The following CNTNAP2 variants were observed in gnomAD, a reference collection of about 807,000 sequenced individuals.
CNTNAP2 encodes the protein contactin associated protein 2.
In CNTNAP2, 98 loss-of-function variants were observed where a neutral mutation model predicts 155.2. The observed-to-expected ratio is 0.63, with a 90% CI of 0.54 to 0.75. CNTNAP2 has a LOEUF of 0.75. Ranked by LOEUF, CNTNAP2 falls within the 30% of genes least tolerant of loss-of-function variation. The probability of loss-of-function intolerance (pLI) is 0.00; values close to 1 mark genes in which losing one functional copy is unlikely to be tolerated. For synonymous variants in CNTNAP2, 651 were observed against 631.2 expected, an observed-to-expected ratio of 1.03 and a Z score of -0.47; for missense variants, 1,727 against 1,688.1, an observed-to-expected ratio of 1.02 and a Z score of -0.40.
At chr7:147,333,848 G>A (rs557508722) in intron 9 of CNTNAP2, among the ~76,000 whole-genome samples, 5 of 152,264 alleles carry the variant, frequency 3.3e-5, no homozygotes, top group Admixed American at 3.3e-4. Context: ...ATGGACTAGA[G>A]TATAGGCATA....
At chr7:147,270,598 C>G (rs1402214194) in intron 8 of CNTNAP2, among the ~76,000 whole-genome samples, 2 of 152,168 alleles carry the variant, frequency 1.3e-5, no homozygotes, top group East Asian at 3.9e-4. Flanking sequence ...CACCAGGCCA[C>G]ACAATAGACC....
intron 7 of CNTNAP2, among the ~76,000 whole-genome samples, chr7:147,131,052 ATGTGTATATATATG>A (rs1232136655): frequency 2.0e-5 from 3 of 148,480 alleles, no homozygotes; most frequent in Non-Finnish European, 4.4e-5. Context: ...ACATATATAT[ATGTGTATATATATG>A]TGTGTATATA....
intron 14 of CNTNAP2, among the ~76,000 whole-genome samples, chr7:147,935,427 G>A (rs1286528346): frequency 6.6e-6 from 1 of 152,144 alleles, no homozygotes; most frequent in African/African-American, 2.4e-5. Context: ...GCCCAGCCGA[G>A]TAAATCTTTC....
intron 13 of CNTNAP2, among the ~76,000 whole-genome samples, chr7:147,762,547 C>CT (rs556864324): frequency 2.3e-4 from 34 of 147,584 alleles, no homozygotes; most frequent in South Asian, 1.1e-3. Context: ...TTTCCAGATG[C>CT]TTTTTTTTTT....
intron 3 of CNTNAP2, among the ~76,000 whole-genome samples, chr7:146,843,077 A>G (rs1280298842): frequency 1.0e-5 from 1 of 100,234 alleles, no homozygotes; most frequent in African/African-American, 4.6e-5. Flanking sequence ...CAGTGGCGCA[A>G]TCTCGGCTCA....
At chr7:147,972,387 T>C (rs1369113829) in intron 14 of CNTNAP2, among the ~76,000 whole-genome samples, 1 of 152,248 alleles carries the variant, frequency 6.6e-6, no homozygotes, top group African/African-American at 2.4e-5. Flanking sequence ...AGCAGGCTTA[T>C]TGTAAAAACT....
chr7:148,239,128 T>TTG (rs1796099060), intron 20 of CNTNAP2, among the ~76,000 whole-genome samples: 2 of 152,210 alleles, frequency 1.3e-5, no homozygotes, highest in Non-Finnish European at 2.9e-5. Flanking sequence ...ACAGCCTGGG[T>TTG]TGTGCAATAC....
intron 3 of CNTNAP2, among the ~76,000 whole-genome samples, chr7:146,900,429 C>A (rs889986430): frequency 6.6e-6 from 1 of 152,232 alleles, no homozygotes; most frequent in African/African-American, 2.4e-5. Flanking sequence ...AGAGGGAAAG[C>A]AGTTTACTTA....
chr7:146,571,465 T>A (rs946440315), intron 1 of CNTNAP2, among the ~76,000 whole-genome samples: 1 of 152,148 alleles, frequency 6.6e-6, no homozygotes, highest in Admixed American at 6.5e-5. Context: ...TTGCTTTCAT[T>A]TCAGGTACTA....
At chr7:146,364,227 A>G (rs1484123343) in intron 1 of CNTNAP2, among the ~76,000 whole-genome samples, 1 of 152,198 alleles carries the variant, frequency 6.6e-6, no homozygotes. Flanking sequence ...CCCCAACTGC[A>G]AATCCACTAA....
At chr7:146,903,513 T>G (rs1796049149) in intron 3 of CNTNAP2, among the ~76,000 whole-genome samples, 1 of 152,220 alleles carries the variant, frequency 6.6e-6, no homozygotes, top group African/African-American at 2.4e-5. Flanking sequence ...CTTTCCATCT[T>G]AGAAATGACA....
At chr7:147,229,793 T>C (rs1028012162) in intron 8 of CNTNAP2, among the ~76,000 whole-genome samples, 3 of 152,252 alleles carry the variant, frequency 2.0e-5, no homozygotes, top group Non-Finnish European at 4.4e-5. Context: ...ATACATATTA[T>C]AACTGAAATT....
At chr7:146,609,420 A>G (rs1251538525) in intron 1 of CNTNAP2, among the ~76,000 whole-genome samples, 3 of 152,186 alleles carry the variant, frequency 2.0e-5, no homozygotes, top group African/African-American at 7.2e-5. Flanking sequence ...AGGATTTCTC[A>G]TGTGTCACCC....
chr7:146,608,521 G>T (rs117149485), intron 1 of CNTNAP2, among the ~76,000 whole-genome samples: 1,708 of 152,198 alleles, frequency 0.011, 19 homozygotes, highest in Middle Eastern at 0.024. Flanking sequence ...AAATTCCTTT[G>T]TATAAAGTAC....
chr7:147,544,164 T>G (rs1799688071), intron 11 of CNTNAP2, among the ~76,000 whole-genome samples: 1 of 152,210 alleles, frequency 6.6e-6, no homozygotes, highest in African/African-American at 2.4e-5. Context: ...GAAACTTTTG[T>G]GTGTAAATGT....
intron 8 of CNTNAP2, among the ~76,000 whole-genome samples, chr7:147,287,451 T>G (rs1267324908): frequency 6.6e-6 from 1 of 152,016 alleles, no homozygotes; most frequent in African/African-American, 2.4e-5. Context: ...TTGGAGAAAC[T>G]TCAGGAGCTT....
intron 1 of CNTNAP2, among the ~76,000 whole-genome samples, chr7:146,390,770 A>G (rs951242589): frequency 6.7e-6 from 1 of 148,486 alleles, no homozygotes; most frequent in Non-Finnish European, 1.5e-5. Context: ...TATTATACAT[A>G]TTATAATACG....
intron 21 of CNTNAP2, among the ~76,000 whole-genome samples, chr7:148,276,051 C>G (rs1257003354): frequency 9.9e-5 from 15 of 152,110 alleles, no homozygotes; most frequent in Admixed American, 9.8e-4. Context: ...AAGCAGGGTT[C>G]AGATCAAAGG....
Position 147,438,723 on chromosome 7 carries a change from C to T in CNTNAP2, c.1670+42943C>T, listed in dbSNP as rs560144426. Among the ~76,000 whole-genome samples the T allele has an allele frequency of 4.7e-4, 71 of 151,874 alleles. No homozygotes were observed. The South Asian group carries it at 0.014, about 30-fold the overall frequency. ...AGCAGTGAAGCCATCAAGTCCCGGGCTTTTTTTACTGGGAGACTTTTTATT... is the reference window on the plus strand; with the variant it reads ...AGCAGTGAAGCCATCAAGTCCCGGGTTTTTTTTACTGGGAGACTTTTTATT... On this transcript the variant is annotated intron_variant, in intron 10 of 23. Transcript: ENST00000361727.
Sources: allele counts gnomAD v4.1 joint callset (sites outside exome capture counted in the v4.1 genomes callset), GRCh38; gene constraint gnomAD v4.1.1; transcripts MANE v1.5; gene names NCBI Gene and HGNC (gene_info 2026-07-23, HGNC 2026-07-21).